Variants in CDC26 observed in about 807,000 individuals in gnomAD.
The protein encoded by CDC26 is cell division cycle 26, also known as anaphase-promoting complex subunit CDC26.
CDC26 carries 2 observed loss-of-function variants against 8.0 expected under a neutral mutation model. The ratio of observed to expected loss-of-function variants is 0.25; its 90% confidence interval spans 0.10 to 0.79. CDC26 has a LOEUF of 0.79. Ranked by LOEUF, CDC26 falls within the 30% of genes least tolerant of loss-of-function variation. The probability of loss-of-function intolerance (pLI) is 0.70; values close to 1 mark genes in which losing one functional copy is unlikely to be tolerated. For missense variants in CDC26, 68 were observed against 106.0 expected (o/e 0.64, Z 1.57); for synonymous variants, 19 against 34.9 (o/e 0.55, Z 1.60).
chr9:113,272,436 C>G lies in CDC26; in HGVS notation c.72G>C (p.Lys24Asn). ...DDIEEFENIR[K>N]DLETRKKQKE... ...AAAGTTGTATTCATACCTCCAGGTC[C>G]TTTCGAATGTTCTCAAACTCTTCAA... is the stretch of plus-strand genomic sequence containing the variant. The change falls in exon 3 of 4, where the codon AAG becomes AAC. Residue 24 changes from lysine (K) to asparagine (N), a missense_variant. Coordinates refer to ENST00000374206, the MANE Select transcript of CDC26 (RefSeq NM_139286.4). The G allele has an allele frequency of 3.1e-6, 5 of 1,610,838 alleles. No homozygotes were observed. The highest frequency in any genetic ancestry group is 4.2e-6 in the Non-Finnish European group (5 of 1,178,260).
Position 113,267,119 on chromosome 9 carries a change from G to A in CDC26, c.*144C>T. The A allele has an allele frequency of 1.9e-6, 1 of 513,634 alleles. No individual in the cohort carries two copies. Among genetic ancestry groups the A allele is most frequent in the Non-Finnish European group, 3.4e-6 (1 of 296,434 alleles). 31.8% of individuals were successfully genotyped at this position (513,634 alleles called of 1,614,324 possible). On this transcript the variant is annotated 3_prime_UTR_variant, in exon 4 of 4. Coordinates refer to ENST00000374206, the MANE Select transcript of CDC26 (RefSeq NM_139286.4). ...GATTCCAGCTTAGAGTGCAAGTGAA[G>A]CATCAGTAATCTCATGCAGAAGATT... is the stretch of plus-strand genomic sequence containing the variant.
chr9:113,272,250 C>A (rs759447993), intron 3 of CDC26, among the ~76,000 whole-genome samples, 177 bp downstream of exon 3: 47 of 151,454 alleles, frequency 3.1e-4, no homozygotes, highest in Non-Finnish European at 5.6e-4. Context: ...AAAACCCCAA[C>A]TCTACTAAAA....
At position 113,267,045 on chromosome 9, in the gene CDC26, T is replaced by C; in HGVS notation, c.*218A>G. The C allele has an allele frequency of 2.2e-6, 1 of 448,528 alleles. No individual in the cohort carries two copies. Among genetic ancestry groups the C allele is most frequent in the Non-Finnish European group, 3.9e-6 (1 of 258,234 alleles). The allele number at this position is 448,528 out of a possible 1,614,324, so 27.8% of individuals were successfully genotyped here. On this transcript the variant is annotated 3_prime_UTR_variant, in exon 4 of 4. Transcript: ENST00000374206. ...TATATTTATTTTTAAAAACAGAAAA[T>C]CAGATCAGTTTTATAGAGTCAAATT...
chr9:113,272,432 G>A lies in CDC26; in HGVS notation c.76C>T (p.Leu26=). 2 of 1,609,642 alleles carry A rather than the reference G, an allele frequency of 1.2e-6. No homozygotes were observed. The highest frequency in any genetic ancestry group is 1.7e-6 in the Non-Finnish European group (2 of 1,177,342). The change falls in exon 3 of 4, where the codon CTG becomes TTG. Residue 26 remains leucine (L), a synonymous_variant. Transcript: ENST00000374206. ...IEEFENIRKD[L]ETRKKQKEDV... is the part of the protein sequence containing the mutation. ...ACACAAAGTTGTATTCATACCTCCA[G>A]GTCCTTTCGAATGTTCTCAAACTCT... is the stretch of plus-strand genomic sequence containing the variant.
At chr9:113,271,858 G>A (rs1267431611) in intron 3 of CDC26, among the ~76,000 whole-genome samples, 1 of 152,164 alleles carries the variant, frequency 6.6e-6, no homozygotes, top group Admixed American at 6.5e-5. Context: ...ATTTATGTAT[G>A]ACAGAGAGTC....
At chr9:113,271,014 C>T (rs549768888) in intron 3 of CDC26, among the ~76,000 whole-genome samples, 15 of 152,230 alleles carry the variant, frequency 9.9e-5, no homozygotes, top group African/African-American at 3.4e-4. Context: ...GGTTACTTAG[C>T]GCAGGACTGT....
intron 3 of CDC26, among the ~76,000 whole-genome samples, chr9:113,268,445 G>A (rs1331443340): frequency 6.6e-6 from 1 of 152,186 alleles, no homozygotes; most frequent in Non-Finnish European, 1.5e-5. Context: ...TTCAAAAACA[G>A]ACACTTATCC....
At chr9:113,272,199 CT>C (rs1831968815) in intron 3 of CDC26, among the ~76,000 whole-genome samples, 1 of 152,098 alleles carries the variant, frequency 6.6e-6, no homozygotes, top group Non-Finnish European at 1.5e-5. Context: ...GGATGGATCA[CT>C]TGAGGTCAGG....
intron 1 of CDC26, 65 bp downstream of exon 1, chr9:113,275,317 G>T (rs1459903004): frequency 6.0e-6 from 1 of 165,694 alleles, no homozygotes; most frequent in Non-Finnish European, 1.3e-5. Flanking sequence ...GGGGCACAGC[G>T]GACCCCGGAA....
intron 3 of CDC26, among the ~76,000 whole-genome samples, chr9:113,267,967 C>A (rs1280006893): frequency 6.6e-6 from 1 of 152,070 alleles, no homozygotes; most frequent in South Asian, 2.1e-4. Context: ...AGCCTGGCGA[C>A]AGAGCGAGAC....
intron 1 of CDC26, among the ~76,000 whole-genome samples, chr9:113,274,717 T>C (rs1346350961): frequency 1.3e-5 from 2 of 152,240 alleles, no homozygotes; most frequent in East Asian, 3.8e-4. Flanking sequence ...AGTTCCCTCA[T>C]CTGTATCCTA....
At chr9:113,269,665 T>C (rs1181243122) in intron 3 of CDC26, among the ~76,000 whole-genome samples, 3 of 152,234 alleles carry the variant, frequency 2.0e-5, no homozygotes, top group African/African-American at 7.2e-5. Context: ...AAGTTCAGCA[T>C]GCTAGCATTT....
At chr9:113,272,378 G>T in intron 3 of CDC26, 49 bp downstream of exon 3, 1 of 1,399,308 alleles carries the variant, frequency 7.1e-7, no homozygotes, top group Non-Finnish European at 1.0e-6. Flanking sequence ...TCCAGCCTGT[G>T]TGACAGAGCG....
chr9:113,272,999 A>G (rs747108344), intron 2 of CDC26, among the ~76,000 whole-genome samples: 7 of 152,198 alleles, frequency 4.6e-5, no homozygotes, highest in Non-Finnish European at 8.8e-5. Flanking sequence ...GCCAACTTCT[A>G]AAGTCTTTAG....
chr9:113,267,877 C>T (rs1259452824), intron 3 of CDC26, among the ~76,000 whole-genome samples: 1 of 152,102 alleles, frequency 6.6e-6, no homozygotes, highest in African/African-American at 2.4e-5. Flanking sequence ...ATCCCAGCTA[C>T]TTGGGAGGCT....
intron 3 of CDC26, among the ~76,000 whole-genome samples, chr9:113,268,427 T>C (rs1831898954): frequency 6.6e-6 from 1 of 152,210 alleles, no homozygotes; most frequent in East Asian, 1.9e-4. Flanking sequence ...TGTCTTAGTT[T>C]GATCATTTTC....
intron 1 of CDC26, 72 bp downstream of exon 1, chr9:113,275,310 G>T (rs1484018131): frequency 6.1e-6 from 1 of 163,712 alleles, no homozygotes; most frequent in African/African-American, 2.4e-5. Context: ...CGCCCGGGGG[G>T]CACAGCGGAC....
chr9:113,272,634 C>T (rs1831977717), intron 2 of CDC26, 86 bp from the exon 3 acceptor site: 8 of 624,058 alleles, frequency 1.3e-5, no homozygotes, highest in East Asian at 2.9e-5. Context: ...AGCATGTATA[C>T]TAAAGTGAAT....
chr9:113,273,591 C>A (rs1436388431), intron 1 of CDC26, among the ~76,000 whole-genome samples, 153 bp from the exon 2 acceptor site: 1 of 151,976 alleles, frequency 6.6e-6, no homozygotes, highest in Non-Finnish European at 1.5e-5. Context: ...AAAATGATGT[C>A]TTAGTTGACT....
Sources: allele counts gnomAD v4.1 joint callset (sites outside exome capture counted in the v4.1 genomes callset), GRCh38; gene constraint gnomAD v4.1.1; transcripts MANE v1.5; gene names NCBI Gene and HGNC (gene_info 2026-07-23, HGNC 2026-07-21).